The following DLGAP2 variants were observed in gnomAD, a reference collection of about 807,000 sequenced individuals.
The protein encoded by DLGAP2 is disks large-associated protein 2.
DLGAP2 carries 26 observed loss-of-function variants against 100.3 expected under a neutral mutation model. The observed-to-expected ratio is 0.26, with a 90% CI of 0.19 to 0.36. DLGAP2 has a LOEUF of 0.36. Ranked by LOEUF, DLGAP2 falls within the 10% of genes least tolerant of loss-of-function variation. The probability of loss-of-function intolerance (pLI) is 1.00; values close to 1 mark genes in which losing one functional copy is unlikely to be tolerated. For missense variants in DLGAP2, 1,858 were observed against 1,453.2 expected (o/e 1.28, Z -4.53); for synonymous variants, 886 against 630.1 (o/e 1.41, Z -6.08).
chr8:1,575,207 G>A (rs902738821), intron 6 of DLGAP2, among the ~76,000 whole-genome samples: 2 of 152,162 alleles, frequency 1.3e-5, no homozygotes, highest in African/African-American at 2.4e-5. Flanking sequence ...TCTGTGACTT[G>A]GCGATTGTGA....
chr8:1,253,787 A>T (rs1265221167), intron 2 of DLGAP2, among the ~76,000 whole-genome samples: 1 of 152,210 alleles, frequency 6.6e-6, no homozygotes, highest in Non-Finnish European at 1.5e-5. Flanking sequence ...TCCACAGTGT[A>T]TCCAGGTTAA....
intron 2 of DLGAP2, among the ~76,000 whole-genome samples, chr8:1,150,110 T>G (rs1287866462): frequency 2.6e-5 from 4 of 152,246 alleles, no homozygotes; most frequent in Admixed American, 1.3e-4. Context: ...TTTCTGGGGT[T>G]GTTTTGTTCC....
At chr8:853,021 G>C (rs1165610771) in intron 1 of DLGAP2, among the ~76,000 whole-genome samples, 2 of 152,214 alleles carry the variant, frequency 1.3e-5, no homozygotes, top group African/African-American at 4.8e-5. Flanking sequence ...ACATTAAATA[G>C]TTACAGATAC....
rs182098594 is a variant in DLGAP2 at position 1,545,503 on chromosome 8, A to G, written c.173-3123A>G. 4.1e-4 allele frequency among the ~76,000 whole-genome samples: 62 copies of G among 152,330 alleles called. No individual in the cohort carries two copies. The South Asian group carries it at 8.7e-3, about 21-fold the overall frequency. ...AAAATGGTGTCATGAAGCAGTGGAA[A>G]TTAGGAAACTAAGATGCTTTCCGCA... On this transcript the variant is annotated intron_variant, in intron 4 of 14. Coordinates refer to ENST00000637795, the MANE Select transcript of DLGAP2 (RefSeq NM_001346810.2).
intron 10 of DLGAP2, among the ~76,000 whole-genome samples, chr8:1,671,154 C>T (rs1315003584): frequency 3.9e-5 from 6 of 152,158 alleles, no homozygotes; most frequent in Admixed American, 1.3e-4. Context: ...AGGCAGCGGC[C>T]GAGACTGGAG....
chr8:973,096 A>G (rs528030719), intron 2 of DLGAP2, among the ~76,000 whole-genome samples: 17 of 152,340 alleles, frequency 1.1e-4, no homozygotes, highest in African/African-American at 3.6e-4. Context: ...CAAAACCGCC[A>G]TCGTCATCAT....
intron 3 of DLGAP2, among the ~76,000 whole-genome samples, chr8:1,350,127 T>C (rs1449279766): frequency 6.6e-6 from 1 of 152,200 alleles, no homozygotes; most frequent in East Asian, 1.9e-4. Flanking sequence ...GTTATTAAAC[T>C]GCAGGAAGAA....
At chr8:1,678,744 A>T in intron 12 of DLGAP2, 115 bp downstream of exon 12, 1 of 1,158,018 alleles carries the variant, frequency 8.6e-7, no homozygotes, top group Non-Finnish European at 1.1e-6. Context: ...AGTGAAGGGA[A>T]ATAAATGTGC....
At chr8:984,609 C>A (rs561549218) in intron 2 of DLGAP2, among the ~76,000 whole-genome samples, 1 of 152,220 alleles carries the variant, frequency 6.6e-6, no homozygotes, top group Non-Finnish European at 1.5e-5. Flanking sequence ...GCTCTTGACA[C>A]ATCTGCCACT....
chr8:1,598,455 G>C (rs1019764630), intron 6 of DLGAP2, among the ~76,000 whole-genome samples: 1 of 152,186 alleles, frequency 6.6e-6, no homozygotes, highest in Non-Finnish European at 1.5e-5. Context: ...GCTCCTCTTT[G>C]TACCTCTGGT....
At chr8:1,162,867 G>T (rs1037396624) in intron 2 of DLGAP2, among the ~76,000 whole-genome samples, 7 of 152,306 alleles carry the variant, frequency 4.6e-5, no homozygotes, top group East Asian at 3.9e-4. Context: ...GCCCCGGCAC[G>T]GGGGCACCAG....
At chr8:1,484,655 A>C (rs1222512318) in intron 3 of DLGAP2, among the ~76,000 whole-genome samples, 1 of 152,252 alleles carries the variant, frequency 6.6e-6, no homozygotes, top group African/African-American at 2.4e-5. Context: ...ATTTCTGGTG[A>C]AAGTGGCTGA....
At chr8:1,172,115 A>C (rs1042052513) in intron 2 of DLGAP2, among the ~76,000 whole-genome samples, 1 of 151,402 alleles carries the variant, frequency 6.6e-6, no homozygotes, top group East Asian at 1.9e-4. Flanking sequence ...CTTGTCTGTA[A>C]AGTATTTTAT....
At chr8:1,423,758 G>T (rs1563138104) in intron 3 of DLGAP2, among the ~76,000 whole-genome samples, 1 of 152,200 alleles carries the variant, frequency 6.6e-6, no homozygotes, top group Non-Finnish European at 1.5e-5. Context: ...AAGACAGCCA[G>T]GGCTAGTGGC....
chr8:1,095,924 G>A (rs1350004492), intron 2 of DLGAP2, among the ~76,000 whole-genome samples: 1 of 152,162 alleles, frequency 6.6e-6, no homozygotes, highest in Non-Finnish European at 1.5e-5. Context: ...ACAGGCTCTG[G>A]GTGAATTTGA....
intron 2 of DLGAP2, among the ~76,000 whole-genome samples, chr8:1,117,497 C>T (rs1393424972): frequency 4.0e-5 from 6 of 151,860 alleles, no homozygotes; most frequent in Non-Finnish European, 7.4e-5. Flanking sequence ...GTGGGGTGGA[C>T]GCTGTGTAGG....
At chr8:1,454,595 T>C (rs1190720366) in intron 3 of DLGAP2, among the ~76,000 whole-genome samples, 1 of 152,136 alleles carries the variant, frequency 6.6e-6, no homozygotes, top group African/African-American at 2.4e-5. Context: ...CCAAGATTCA[T>C]CTCCATTAAG....
chr8:957,962 G>A (rs1799633418), intron 2 of DLGAP2, among the ~76,000 whole-genome samples: 2 of 152,206 alleles, frequency 1.3e-5, no homozygotes, highest in East Asian at 3.9e-4. Context: ...TCCTGGTGCT[G>A]TGTGACCCTC....
At chr8:1,105,871 A>AG (rs1371556869) in intron 2 of DLGAP2, among the ~76,000 whole-genome samples, 1 of 124,958 alleles carries the variant, frequency 8.0e-6, no homozygotes, top group Non-Finnish European at 1.7e-5. Flanking sequence ...CCATTCTAGG[A>AG]GGGTTTTCTA....
Sources: gnomAD v4.1 joint callset for allele counts (sites outside exome capture counted in the v4.1 genomes callset) on GRCh38, gnomAD v4.1.1 for gene constraint, MANE v1.5 for transcripts, NCBI Gene and HGNC (gene_info 2026-07-23, HGNC 2026-07-21) for gene names.